The following TENT5D variants were observed in gnomAD, a reference collection of about 807,000 sequenced individuals.
TENT5D encodes the protein cancer/testis antigen 112.
For synonymous variants in TENT5D, 103 were observed against 100.6 expected (o/e 1.02, Z -0.15); for missense variants, 191 against 287.0 (o/e 0.67, Z 2.42).
intron 3 of TENT5D, among the ~76,000 whole-genome samples, chrX:80,393,869 G>A (rs1246838274): frequency 8.9e-6 from 1 of 111,842 alleles, no homozygotes; most frequent in Non-Finnish European, 1.9e-5. Flanking sequence ...TTCTATCCAT[G>A]TTTTTGCAGA....
chrX:80,370,095 T>G (rs1369957363), intron 3 of TENT5D, among the ~76,000 whole-genome samples: 1 of 108,677 alleles, frequency 9.2e-6, no homozygotes, highest in Non-Finnish European at 1.9e-5. Context: ...ACTATGTTTT[T>G]TTTTTAATTT....
chrX:80,392,608 C>A (rs1931156137), intron 3 of TENT5D, among the ~76,000 whole-genome samples: 1 of 99,261 alleles, frequency 1.0e-5, no homozygotes. Flanking sequence ...GCTCCGCTTC[C>A]CGGGTTCACG....
chrX:80,443,396 A>G (rs1184424430), exon 3 of TENT5D: 1 of 1,210,930 alleles, frequency 8.3e-7, no homozygotes, highest in East Asian at 3.0e-5. Flanking sequence ...TACCTCCACA[A>G]CCATTTCATA....
chrX:80,370,059 G>A (rs182665873), intron 3 of TENT5D, among the ~76,000 whole-genome samples: 7 of 110,001 alleles, frequency 6.4e-5, no homozygotes, highest in African/African-American at 2.3e-4. Flanking sequence ...AGTAGCTGGG[G>A]TAACAAGTAC....
intron 3 of TENT5D, among the ~76,000 whole-genome samples, chrX:80,407,243 C>T (rs1196501947): frequency 1.2e-4 from 13 of 109,835 alleles, no homozygotes; most frequent in African/African-American, 4.3e-4. Context: ...CAAATCCACA[C>T]ATAACAATAT....
At chrX:80,346,257 G>C (rs1435661710) in intron 3 of TENT5D, among the ~76,000 whole-genome samples, 1 of 112,023 alleles carries the variant, frequency 8.9e-6, no homozygotes, top group African/African-American at 3.2e-5. Context: ...TACCAAGTTT[G>C]TTTGTCCATA....
rs1930518897 is a variant in TENT5D at position 80,366,754 on chromosome X, A to G, written c.-142+24190A>G. On this transcript the variant is annotated intron_variant, in intron 3 of 4. Transcript: ENST00000538312. ...AGAAAACTAAAGTAACAAAGATTAAATAATTTATTCATGATAACAGTTTAT... is the reference window on the plus strand; with the variant it reads ...AGAAAACTAAAGTAACAAAGATTAAGTAATTTATTCATGATAACAGTTTAT... 2.7e-5 allele frequency among the ~76,000 whole-genome samples: 3 copies of G among 111,699 alleles called. No individual in the cohort carries two copies. In the Admixed American group the frequency reaches 2.9e-4, roughly 11 times the overall value.
At chrX:80,344,997 C>T (rs1009984944) in intron 3 of TENT5D, among the ~76,000 whole-genome samples, 1 of 110,931 alleles carries the variant, frequency 9.0e-6, no homozygotes, top group African/African-American at 3.3e-5. Context: ...TACCTATAAA[C>T]ATAGAAAGAA....
Position 80,375,022 on chromosome X carries a change from A to G in TENT5D, c.-142+32458A>G, listed in dbSNP as rs764688629. Among the ~76,000 whole-genome samples, 13 of 111,276 alleles carry G rather than the reference A, an allele frequency of 1.2e-4. No individual in the cohort carries two copies. The East Asian group carries it at 3.7e-3, about 32-fold the overall frequency. On this transcript the variant is annotated intron_variant, in intron 3 of 4. Transcript: ENST00000538312. ...GTGTCCTACAATTATTCTATTGTCT[A>G]TATAAACCTGTCTGATTTTTTCATT...
intron 2 of TENT5D, 83 bp from the exon 3 acceptor site, chrX:80,442,439 T>A (rs1932302446): frequency 1.6e-6 from 1 of 616,827 alleles, no homozygotes; most frequent in East Asian, 3.6e-5. Context: ...TGAGGGTAAG[T>A]CTATTTTTAA....
chrX:80,432,473 A>G (rs1932106574), intron 1 of TENT5D, among the ~76,000 whole-genome samples: 2 of 111,891 alleles, frequency 1.8e-5, no homozygotes, highest in Non-Finnish European at 3.8e-5. Flanking sequence ...CAGTCACACT[A>G]TTCGTTTTTA....
chrX:80,396,496 A>G (rs1199312200), intron 3 of TENT5D, among the ~76,000 whole-genome samples: 1 of 110,272 alleles, frequency 9.1e-6, no homozygotes, highest in Non-Finnish European at 1.9e-5. Context: ...TGCTGCCTTC[A>G]AGCATCTGTT....
At chrX:80,348,192 A>T (rs1453768231) in intron 3 of TENT5D, among the ~76,000 whole-genome samples, 4 of 111,890 alleles carry the variant, frequency 3.6e-5, no homozygotes, top group African/African-American at 1.3e-4. Context: ...AGTTTTTTCT[A>T]ATTCTGTGAA....
intron 1 of TENT5D, among the ~76,000 whole-genome samples, chrX:80,429,882 C>A (rs370186563): frequency 9.9e-5 from 11 of 111,593 alleles, no homozygotes; most frequent in African/African-American, 3.6e-4. Flanking sequence ...ACTAAAGCTT[C>A]TCTCAGCCTT....
intron 3 of TENT5D, among the ~76,000 whole-genome samples, chrX:80,381,510 C>G (rs1410091018): frequency 8.9e-6 from 1 of 111,842 alleles, no homozygotes; most frequent in African/African-American, 3.3e-5. Flanking sequence ...ACCTGCCTTG[C>G]TAGGTTGGGG....
intron 2 of TENT5D, among the ~76,000 whole-genome samples, chrX:80,336,007 T>G (rs1162402046): frequency 9.1e-6 from 1 of 110,486 alleles, no homozygotes; most frequent in East Asian, 2.8e-4. Flanking sequence ...ATATGTGACA[T>G]GAAAATGTTC....
chrX:80,405,447 G>A (rs867301631), intron 3 of TENT5D, among the ~76,000 whole-genome samples: 18 of 112,700 alleles, frequency 1.6e-4, no homozygotes, highest in Admixed American at 6.5e-4. Flanking sequence ...CCTGGGAAGC[G>A]CAAGGGGTCA....
At chrX:80,362,093 T>A (rs1298260752) in intron 3 of TENT5D, among the ~76,000 whole-genome samples, 2 of 111,962 alleles carry the variant, frequency 1.8e-5, no homozygotes, top group Admixed American at 9.5e-5. Flanking sequence ...TTTGGTTTTC[T>A]GTTCCTGCAT....
chrX:80,378,636 A>G (rs1930783390), intron 3 of TENT5D, among the ~76,000 whole-genome samples: 2 of 111,140 alleles, frequency 1.8e-5, no homozygotes, highest in Admixed American at 9.6e-5. Flanking sequence ...CCATTAGGCT[A>G]TATCTCTGTT....
Sources: allele counts gnomAD v4.1 joint callset (sites outside exome capture counted in the v4.1 genomes callset), GRCh38; gene constraint gnomAD v4.1.1; transcripts MANE v1.5; gene names NCBI Gene and HGNC (gene_info 2026-07-23, HGNC 2026-07-21).